Variants in TYR observed in about 807,000 individuals in gnomAD.
TYR encodes tyrosinase, also known as LB24-AB.
Under a neutral mutation model 51.5 loss-of-function variants are expected in TYR, and 58 were observed. The observed-to-expected ratio is 1.13, with a 90% confidence interval of 0.91 to 1.40. The LOEUF is 1.40. Among genes scored for constraint, TYR ranks in the 40% most tolerant of loss-of-function variants. The probability of loss-of-function intolerance (pLI) is 0.00; values close to 1 mark genes in which losing one functional copy is unlikely to be tolerated. For missense variants in TYR, 732 were observed against 647.4 expected (o/e 1.13, Z -1.42); for synonymous variants, 263 against 235.2 (o/e 1.12, Z -1.08).
chr11:89,247,203 G>T (rs1435617936), intron 3 of TYR, among the ~76,000 whole-genome samples: 3 of 152,078 alleles, frequency 2.0e-5, no homozygotes, highest in African/African-American at 7.2e-5. Context: ...CTGATTCATG[G>T]TTTGTCCATC....
intron 3 of TYR, among the ~76,000 whole-genome samples, chr11:89,260,017 C>G (rs1944438179): frequency 6.6e-6 from 1 of 152,016 alleles, no homozygotes. Flanking sequence ...TTCCCAGGGG[C>G]TATGTTTTCT....
intron 2 of TYR, 111 bp downstream of exon 2, chr11:89,191,529 A>T: frequency 1.9e-6 from 2 of 1,030,318 alleles, no homozygotes; most frequent in Non-Finnish European, 3.0e-6. Context: ...GTTGACCAAG[A>T]ATATGTGTTG....
intron 2 of TYR, among the ~76,000 whole-genome samples, chr11:89,193,174 A>T (rs1943469314): frequency 6.6e-6 from 1 of 152,200 alleles, no homozygotes; most frequent in Admixed American, 6.6e-5. Context: ...TGCTGATATT[A>T]ATGACATTGC....
At chr11:89,293,325 C>T (rs1161808801) in intron 4 of TYR, among the ~76,000 whole-genome samples, 1 of 127,426 alleles carries the variant, frequency 7.8e-6, no homozygotes, top group African/African-American at 3.3e-5. Context: ...TTTATGTACA[C>T]ATTTTATGCA....
chr11:89,253,197 T>C (rs1944350044), intron 3 of TYR, among the ~76,000 whole-genome samples: 1 of 151,788 alleles, frequency 6.6e-6, no homozygotes, highest in Admixed American at 6.6e-5. Context: ...TCAGTACCTA[T>C]TGCAAAAGTA....
chr11:89,258,631 TATG>T (rs757178961), intron 3 of TYR, among the ~76,000 whole-genome samples: 8 of 152,080 alleles, frequency 5.3e-5, no homozygotes, highest in Non-Finnish European at 1.2e-4. Context: ...AAGAAACAGA[TATG>T]ATAAGTGGAC....
chr11:89,261,760 G>C (rs1944458769), intron 3 of TYR, among the ~76,000 whole-genome samples: 2 of 151,946 alleles, frequency 1.3e-5, no homozygotes, highest in Admixed American at 1.3e-4. Context: ...TTTTTTTCAA[G>C]TGCACATGGA....
At chr11:89,241,263 G>A (rs1944189967) in intron 3 of TYR, among the ~76,000 whole-genome samples, 1 of 152,130 alleles carries the variant, frequency 6.6e-6, no homozygotes, top group Admixed American at 6.5e-5. Context: ...GATGTGACCT[G>A]CCTCAGGAAG....
intron 2 of TYR, among the ~76,000 whole-genome samples, chr11:89,210,085 T>G (rs1591156606): frequency 6.6e-6 from 1 of 152,110 alleles, no homozygotes; most frequent in Non-Finnish European, 1.5e-5. Flanking sequence ...CAGCTCCTCA[T>G]CAGCAAGGCA....
At chr11:89,179,295 A>G (rs752918833) in intron 1 of TYR, among the ~76,000 whole-genome samples, 5 of 152,192 alleles carry the variant, frequency 3.3e-5, no homozygotes, top group African/African-American at 4.8e-5. Context: ...CTAAATGTCT[A>G]TGGTGATTCT....
intron 1 of TYR, among the ~76,000 whole-genome samples, chr11:89,190,418 A>G (rs1402718376): frequency 6.6e-6 from 1 of 152,140 alleles, no homozygotes; most frequent in African/African-American, 2.4e-5. Flanking sequence ...TTTTTAACGA[A>G]ATTTCAATTA....
chr11:89,230,642 G>T (rs1374333047), intron 3 of TYR, among the ~76,000 whole-genome samples: 1 of 151,934 alleles, frequency 6.6e-6, no homozygotes, highest in Non-Finnish European at 1.5e-5. Context: ...CTGATAAGGG[G>T]TTAATATTCA....
chr11:89,238,890 ATTTGTATAT>A (rs1944156425), intron 3 of TYR, among the ~76,000 whole-genome samples: 1 of 152,158 alleles, frequency 6.6e-6, no homozygotes, highest in Non-Finnish European at 1.5e-5. Flanking sequence ...TAACTGTGAA[ATTTGTATAT>A]TAACTATCCT....
intron 2 of TYR, among the ~76,000 whole-genome samples, chr11:89,197,643 T>C (rs956901027): frequency 4.6e-5 from 7 of 151,942 alleles, no homozygotes; most frequent in East Asian, 1.9e-4. Context: ...CAGTGAGCTA[T>C]TGGGGGGAGT....
Position 89,247,010 on chromosome 11 carries a change from A to G in TYR, c.1184+19040A>G, listed in dbSNP as rs182155785. Among the ~76,000 whole-genome samples, 3 of 152,262 alleles carry G rather than the reference A, an allele frequency of 2.0e-5. No homozygotes were observed. In the East Asian group the frequency reaches 5.8e-4, roughly 29 times the overall value. On this transcript the variant is annotated intron_variant, in intron 3 of 4. Transcript: ENST00000263321. Reference sequence around the variant, plus strand: ...CCTATCTGTTTCTGGGTTTCTTTTCACACTGTTGGATTGTGACCAGCTTTA... The same window carrying G: ...CCTATCTGTTTCTGGGTTTCTTTTCGCACTGTTGGATTGTGACCAGCTTTA...
intron 3 of TYR, among the ~76,000 whole-genome samples, chr11:89,282,402 G>A (rs750460153): frequency 6.6e-6 from 1 of 151,624 alleles, no homozygotes; most frequent in Non-Finnish European, 1.5e-5. Context: ...TGGTTAGTAC[G>A]AATAAAATGT....
chr11:89,203,668 GT>G (rs1471255734), intron 2 of TYR, among the ~76,000 whole-genome samples: 2 of 152,246 alleles, frequency 1.3e-5, no homozygotes, highest in Non-Finnish European at 2.9e-5. Flanking sequence ...ATGATGGTGA[GT>G]CCCCTGGGTT....
chr11:89,206,532 A>C (rs556464373), intron 2 of TYR, among the ~76,000 whole-genome samples: 1 of 152,286 alleles, frequency 6.6e-6, no homozygotes, highest in East Asian at 1.9e-4. Context: ...AGACAAATTC[A>C]CAATTACAGT....
intron 2 of TYR, among the ~76,000 whole-genome samples, chr11:89,219,912 A>G (rs1002545941): frequency 6.6e-6 from 1 of 152,210 alleles, no homozygotes; most frequent in Non-Finnish European, 1.5e-5. Flanking sequence ...AATGGATATG[A>G]CAAGAATTAA....
Sources: gnomAD v4.1 joint callset for allele counts (sites outside exome capture counted in the v4.1 genomes callset) on GRCh38, gnomAD v4.1.1 for gene constraint, MANE v1.5 for transcripts, NCBI Gene and HGNC (gene_info 2026-07-23, HGNC 2026-07-21) for gene names.